OGFRL1: variants seen among roughly 807,000 people sequenced by gnomAD.
OGFRL1 encodes the protein opioid growth factor receptor-like protein 1.
Under a neutral mutation model 32.4 loss-of-function variants are expected in OGFRL1, and 26 were observed. The ratio of observed to expected loss-of-function variants is 0.80; its 90% CI spans 0.59 to 1.11. OGFRL1 has a LOEUF of 1.11. Ranked by LOEUF, OGFRL1 falls within the 50% of genes most tolerant of loss-of-function variation. OGFRL1 has a pLI of 0.00. For synonymous variants in OGFRL1, 211 were observed against 201.2 expected, an observed-to-expected ratio of 1.05 and a Z score of -0.41; for missense variants, 521 against 546.4, an observed-to-expected ratio of 0.95 and a Z score of 0.46.
At chr6:71,295,208 G>A (rs898364288) in intron 3 of OGFRL1, 6 of 152,236 alleles carry the variant, frequency 3.9e-5, no homozygotes, top group African/African-American at 1.2e-4. Flanking sequence ...CAGGCAGGAG[G>A]AGTGGTAGTT....
chr6:71,298,480 G>T (rs1766283419), intron 6 of OGFRL1, among the ~76,000 whole-genome samples: 1 of 152,124 alleles, frequency 6.6e-6, no homozygotes, highest in South Asian at 2.1e-4. Context: ...ATGAATAAAT[G>T]ATTAACAAAA....
chr6:71,292,326 A>G (rs549024294), intron 1 of OGFRL1, among the ~76,000 whole-genome samples: 14 of 152,314 alleles, frequency 9.2e-5, no homozygotes, highest in African/African-American at 3.4e-4. Flanking sequence ...AATAGTGAGA[A>G]TCACACCACT....
In OGFRL1 at chr6:71,288,983, T is replaced by G; in HGVS notation, c.47T>G (p.Val16Gly). 7.2e-7 allele frequency: 1 copy of G among 1,392,896 alleles called. No individual in the cohort carries two copies. 86.3% of individuals were successfully genotyped at this position (1,392,896 alleles called of 1,614,324 possible). A position where few individuals can be genotyped will look rare whatever the true frequency, so the allele number is the denominator to read the frequency against. The change falls in exon 1 of 7, where the codon GTG (valine) becomes GGG (glycine). Residue 16 changes from valine (V) to glycine (G), a missense_variant. By Grantham distance (109) the Val-to-Gly change is moderately radical. Transcript: ENST00000370435. ...GTCAGCTTCCGCGAGCCCACCACCG[T>G]GGAGGACTGCGACTCCACCTGGCAG... Reference protein sequence around the residue: ...GGVSFREPTTVEDCDSTWQTD... With the variant: ...GGVSFREPTTGEDCDSTWQTD...
intron 6 of OGFRL1, among the ~76,000 whole-genome samples, chr6:71,300,674 A>T (rs943722540): frequency 2.6e-5 from 4 of 152,160 alleles, no homozygotes; most frequent in Admixed American, 1.3e-4. Context: ...GATTCTTACA[A>T]CAGTCCTGTA....
chr6:71,306,052 G>A lies in OGFRL1; in HGVS notation c.*4003G>A, dbSNP rs1282304859. 1 of 152,184 alleles carries A rather than the reference G, an allele frequency of 6.6e-6. No individual in the cohort carries two copies. Among genetic ancestry groups the A allele is most frequent in the Non-Finnish European group, 1.5e-5 (1 of 67,972 alleles). 9.4% of individuals were successfully genotyped at this position (152,184 alleles called of 1,614,324 possible). On this transcript the variant is annotated 3_prime_UTR_variant, in exon 7 of 7. Coordinates refer to ENST00000370435, the MANE Select transcript of OGFRL1 (RefSeq NM_024576.5). ...ATCTACCAGTCTTTAATGTCTGTTT[G>A]GGGTGAGTGGCGATCCTCTGTTGTA...
At chr6:71,294,729 G>C (rs1766149960) in intron 3 of OGFRL1, among the ~76,000 whole-genome samples, 1 of 152,132 alleles carries the variant, frequency 6.6e-6, no homozygotes, top group Non-Finnish European at 1.5e-5. Flanking sequence ...GAAATGTGCT[G>C]CTTTATTTAC....
In OGFRL1 at chr6:71,293,331, A is replaced by G. The variant is rs1370413268; in HGVS notation, c.273A>G (p.Arg91=). The change falls in exon 2 of 7, where the codon AGA becomes AGG. Residue 91 remains arginine, a synonymous_variant. Transcript: ENST00000370435. ...DSTEATAKPK[R]SFYAARDLYK... ...CTGAAGCAACTGCCAAACCAAAGAG[A>G]AGTTTTTATGCTGCCAGGGATTTGT... 1 of 1,613,844 alleles carries G rather than the reference A, an allele frequency of 6.2e-7. No homozygotes were observed. Among genetic ancestry groups the G allele is most frequent in the East Asian group, 2.2e-5 (1 of 44,842 alleles).
In OGFRL1 at chr6:71,306,474, A is replaced by T. The variant is rs1056173983; in HGVS notation, c.*4425A>T. On this transcript the variant is annotated 3_prime_UTR_variant, in exon 7 of 7. Transcript: ENST00000370435. ...GCTATAAATATGAATGTCTGGAGGT[A>T]TCCAGATGTGCCTTAACAAATGTAA... is the stretch of plus-strand genomic sequence containing the variant. 1.3e-5 allele frequency: 2 copies of T among 152,190 alleles called. No homozygotes were observed. Among genetic ancestry groups the T allele is most frequent in the African/African-American group, 4.8e-5 (2 of 41,458 alleles). The allele number at this position is 152,190 out of a possible 1,614,324, so 9.4% of individuals were successfully genotyped here.
intron 3 of OGFRL1, among the ~76,000 whole-genome samples, chr6:71,295,008 A>G (rs951746203): frequency 1.3e-5 from 2 of 152,198 alleles, no homozygotes; most frequent in African/African-American, 4.8e-5. Context: ...AATCTTTACT[A>G]CAAAGTTTAT....
intron 6 of OGFRL1, among the ~76,000 whole-genome samples, chr6:71,297,046 T>C (rs1766232770): frequency 6.6e-6 from 1 of 151,376 alleles, no homozygotes; most frequent in South Asian, 2.1e-4. Flanking sequence ...GCTTCAGACC[T>C]GTTTCTCCCT....
chr6:71,290,602 CT>C (rs1766020776), intron 1 of OGFRL1, among the ~76,000 whole-genome samples: 1 of 152,170 alleles, frequency 6.6e-6, no homozygotes, highest in Admixed American at 6.5e-5. Context: ...ATTAATTTTT[CT>C]TGTTAGTATC....
rs767416474 is a variant in OGFRL1, at chr6:71,296,550, T to C, written c.535T>C (p.Tyr179His). The C allele has an allele frequency of 6.2e-7, 1 of 1,611,824 alleles. No individual in the cohort carries two copies. Among genetic ancestry groups the C allele is most frequent in the South Asian group, 1.1e-5 (1 of 90,344 alleles). The change falls in exon 5 of 7, where the codon TAT becomes CAT. Residue 179 changes from tyrosine (Y) to histidine (H), a missense_variant. Transcript: ENST00000370435. Reference protein sequence around the residue: ...LNFYAKELTTYEIEEFKKTKE... With the variant: ...LNFYAKELTTHEIEEFKKTKE... ...CTTCTATGCCAAAGAACTAACTACA[T>C]ATGAAATTGAGGTAATGCAAGCTCA...
At chr6:71,299,183 T>C (rs371224683) in intron 6 of OGFRL1, among the ~76,000 whole-genome samples, 2 of 152,272 alleles carry the variant, frequency 1.3e-5, no homozygotes, top group African/African-American at 4.8e-5. Context: ...TCTTCTCTCT[T>C]TACCTACCTA....
rs1212905626 is a variant in OGFRL1, at chr6:71,306,853, A to G, written c.*4804A>G. The G allele has an allele frequency of 6.6e-6, 1 of 152,244 alleles. No homozygotes were observed. The highest frequency in any genetic ancestry group is 1.5e-5 in the Non-Finnish European group (1 of 68,036). 9.4% of individuals were successfully genotyped at this position (152,244 alleles called of 1,614,324 possible). A position where few individuals can be genotyped will look rare whatever the true frequency, so the allele number is the denominator to read the frequency against. ...TTTGCTTCTTCTTAGATGTAGGCGG[A>G]TGCAGAAATAGAATTATGTTAGAGA... On this transcript the variant is annotated 3_prime_UTR_variant, in exon 7 of 7. Transcript: ENST00000370435.
chr6:71,297,412 T>TAA (rs889192116), intron 6 of OGFRL1, among the ~76,000 whole-genome samples: 4 of 152,316 alleles, frequency 2.6e-5, no homozygotes, highest in Non-Finnish European at 4.4e-5. Context: ...TATTTGGAAT[T>TAA]GTTTTGCTGT....
chr6:71,297,865 C>T (rs1176581176), intron 6 of OGFRL1, among the ~76,000 whole-genome samples: 2 of 151,610 alleles, frequency 1.3e-5, no homozygotes, highest in Admixed American at 6.6e-5. Context: ...AGGTTAGTTA[C>T]ATATGTATAC....
At chr6:71,296,884 T>C (rs1766228674) in intron 6 of OGFRL1, 67 bp downstream of exon 6, 1 of 1,534,838 alleles carries the variant, frequency 6.5e-7, no homozygotes, top group African/African-American at 1.4e-5. Context: ...GAGTTCTCTA[T>C]GAAACGCAGG....
Position 71,301,578 on chromosome 6 carries a change from G to C in OGFRL1, c.885G>C (p.Lys295Asn), listed in dbSNP as rs146479750. Residue 295 changes from lysine (K) to asparagine (N), a missense_variant, in exon 7 of 7, where the codon AAG (lysine) becomes AAC (asparagine). Transcript: ENST00000370435. ...YTIRDRRERR[K>N]LLRFAQKHYT... ...TTAGAGACAGAAGAGAAAGGAGAAA[G>C]CTCCTGCGGTTCGCCCAGAAACACT... The C allele has an allele frequency of 1.4e-5, 22 of 1,614,062 alleles. No homozygotes were observed. The African/African-American group carries it at 2.3e-4, about 17-fold the overall frequency.
chr6:71,306,755 CTTT>C lies in OGFRL1; in HGVS notation c.*4709_*4711del, dbSNP rs1766563360. On this transcript the variant is annotated 3_prime_UTR_variant, in exon 7 of 7. Coordinates refer to ENST00000370435, the MANE Select transcript of OGFRL1 (RefSeq NM_024576.5). ...ATACTGTCTGTTATATTTATTTATG[CTTT>C]TTGTAGTTTAGCTACATACTATAAT... is the stretch of plus-strand genomic sequence containing the variant. 1 of 152,096 alleles carries C rather than the reference CTTT, an allele frequency of 6.6e-6. No homozygotes were observed. Among genetic ancestry groups the C allele is most frequent in the African/African-American group, 2.4e-5 (1 of 41,438 alleles). 9.4% of individuals were successfully genotyped at this position (152,096 alleles called of 1,614,324 possible).
Sources: gnomAD v4.1 joint callset for allele counts (sites outside exome capture counted in the v4.1 genomes callset) on GRCh38, gnomAD v4.1.1 for gene constraint, MANE v1.5 for transcripts, NCBI Gene and HGNC (gene_info 2026-07-23, HGNC 2026-07-21) for gene names.